The following XKR6 variants were observed in gnomAD, a reference collection of about 807,000 sequenced individuals.
XKR6 encodes the protein XK-related protein 6.
Under a neutral mutation model 56.7 loss-of-function variants are expected in XKR6, and 22 were observed. That is an observed-to-expected ratio of 0.39 (90% CI 0.28 to 0.55). The LOEUF (loss-of-function observed/expected upper bound fraction) is 0.55. Among genes scored for constraint, XKR6 ranks in the 20% least tolerant of loss-of-function variants. The probability of loss-of-function intolerance (pLI) is 0.66; values close to 1 mark genes in which losing one functional copy is unlikely to be tolerated. For synonymous variants in XKR6, 524 were observed against 387.8 expected (o/e 1.35, Z -4.13); for missense variants, 852 against 889.0 (o/e 0.96, Z 0.53).
chr8:11,200,711 C>T lies in XKR6; in HGVS notation c.629G>A (p.Gly210Asp). The change falls in exon 1 of 3, where the codon GGC (glycine) becomes GAC (aspartate). Residue 210 changes from glycine to aspartate, a missense_variant. Physicochemically the swap from Gly to Asp is moderately conservative, Grantham distance 94. Around this residue, in one of 4 missense-constraint regions of XKR6, gnomAD observed 417 missense variants for 355.2 expected, o/e 1.17. Transcript: ENST00000416569. This position sits in a 1 kb window ranked among gnomAD's most constrained non-coding sequence, Gnocchi z 6.4. ...ACCGCGGGCCGCGCCGTGGACGTAG[C>T]CGGCCCCCATCATGGGGGGGCCCCG... is the stretch of plus-strand genomic sequence containing the variant. ...TSRGPPMMGA[G>D]YVHGAARGGP... is the part of the protein sequence containing the mutation. 1 of 1,586,384 alleles carries T rather than the reference C, an allele frequency of 6.3e-7. No homozygotes were observed. The highest frequency in any genetic ancestry group is 1.1e-5 in the South Asian group (1 of 88,698).
intron 1 of XKR6, among the ~76,000 whole-genome samples, chr8:11,087,928 C>T (rs533358956): frequency 4.6e-5 from 7 of 152,164 alleles, no homozygotes; most frequent in Non-Finnish European, 1.0e-4. Flanking sequence ...CCAAAGTTTC[C>T]AAAGAGCCTA....
rs570111613 is a variant in XKR6 at position 11,151,177 on chromosome 8, T to C, written c.764+49399A>G. Among the ~76,000 whole-genome samples the C allele has an allele frequency of 2.3e-4, 35 of 152,200 alleles. 1 individual carries two copies. Among genetic ancestry groups the C allele is most frequent in the Admixed American group, 7.9e-4 (12 of 15,276 alleles). ...CGCAAGTGACATACTCATTGGATAT[T>C]TGGAAAATAATAATTTTTGTCCCAA... On this transcript the variant is annotated intron_variant, in intron 1 of 2. Transcript: ENST00000416569.
rs148489302 is a variant in XKR6 at position 11,111,134 on chromosome 8, G to A, written c.764+89442C>T. ...CTCCCAAAGTGCTGGCATTACAGGC[G>A]TGAGCCACTGCGCCTGCCCAACTTT... On this transcript the variant is annotated intron_variant, in intron 1 of 2. Coordinates refer to ENST00000416569, the MANE Select transcript of XKR6 (RefSeq NM_173683.4). Among the ~76,000 whole-genome samples the A allele has an allele frequency of 8.4e-3, 1,266 of 151,584 alleles. 18 individuals are homozygous for A. The highest frequency in any genetic ancestry group is 0.029 in the African/African-American group (1,216 of 41,356).
chr8:11,097,002 T>A (rs182613970), intron 1 of XKR6, among the ~76,000 whole-genome samples: 48 of 152,316 alleles, frequency 3.2e-4, no homozygotes, highest in Non-Finnish European at 4.1e-4. Flanking sequence ...GTGTGCTCCA[T>A]CAATCAATGC....
chr8:10,914,010 C>G (rs1030520134), intron 2 of XKR6, among the ~76,000 whole-genome samples: 1 of 152,164 alleles, frequency 6.6e-6, no homozygotes, highest in Non-Finnish European at 1.5e-5. Flanking sequence ...TGGTCAGGTC[C>G]GGGCCCAAAT....
intron 1 of XKR6, among the ~76,000 whole-genome samples, chr8:11,097,253 G>A (rs1191820211): frequency 1.3e-5 from 2 of 152,100 alleles, no homozygotes; most frequent in Non-Finnish European, 2.9e-5. Context: ...TTTCCCCATT[G>A]GGTTTCCAGA....
At chr8:10,930,467 G>A (rs1801021323) in intron 1 of XKR6, among the ~76,000 whole-genome samples, 1 of 152,176 alleles carries the variant, frequency 6.6e-6, no homozygotes, top group African/African-American at 2.4e-5. Flanking sequence ...GCATTACTCT[G>A]ATACAAAAGC....
At chr8:11,135,381 T>C (rs1489104352) in intron 1 of XKR6, among the ~76,000 whole-genome samples, 1 of 152,192 alleles carries the variant, frequency 6.6e-6, no homozygotes, top group Non-Finnish European at 1.5e-5. Context: ...TGCCACCCTG[T>C]AATTTAGAAT....
chr8:11,006,225 T>C (rs921480372), intron 1 of XKR6, among the ~76,000 whole-genome samples: 24 of 152,024 alleles, frequency 1.6e-4, no homozygotes, highest in Admixed American at 1.5e-3. Context: ...GGGTGAGAAA[T>C]GAGCTGGGGA....
At position 11,067,147 on chromosome 8, in the gene XKR6, G is replaced by A. The variant is rs574973921; in HGVS notation, c.764+133429C>T. 2.0e-5 allele frequency: 3 copies of A among 152,544 alleles called. No homozygotes were observed. In the South Asian group the frequency reaches 6.2e-4, roughly 32 times the overall value. 9.4% of individuals were successfully genotyped at this position (152,544 alleles called of 1,614,324 possible). On this transcript the variant is annotated intron_variant, in intron 1 of 2. Coordinates refer to ENST00000416569, the MANE Select transcript of XKR6 (RefSeq NM_173683.4). ...TCGGAGAGACGTCACCCAGGCTGGT[G>A]GGGAGGGGAGAATGTCTGACGCGGG... is the stretch of plus-strand genomic sequence containing the variant.
At chr8:11,084,467 A>C (rs1797819184) in intron 1 of XKR6, among the ~76,000 whole-genome samples, 1 of 152,238 alleles carries the variant, frequency 6.6e-6, no homozygotes, top group Admixed American at 6.5e-5. Flanking sequence ...TGCACTATTT[A>C]CCATAGAGCA....
At chr8:11,163,497 T>C (rs1011716522) in intron 1 of XKR6, among the ~76,000 whole-genome samples, 3 of 152,254 alleles carry the variant, frequency 2.0e-5, no homozygotes, top group Non-Finnish European at 4.4e-5. Flanking sequence ...TCGTCACATC[T>C]GTAACTATTT....
rs532400554 is a variant in XKR6 at position 10,989,929 on chromosome 8, G to C, written c.765-65099C>G. On this transcript the variant is annotated intron_variant, in intron 1 of 2. Coordinates refer to ENST00000416569, the MANE Select transcript of XKR6 (RefSeq NM_173683.4). ...GAGCTCTGTTTGCCACGTGTAACAG[G>C]ATCAGACGAAGTGTGTCATGCTTCA... is the stretch of plus-strand genomic sequence containing the variant. 2.6e-5 allele frequency among the ~76,000 whole-genome samples: 4 copies of C among 152,284 alleles called. No individual in the cohort carries two copies. In the South Asian group the frequency reaches 8.3e-4, roughly 32 times the overall value.
chr8:10,930,968 G>T (rs1801034658), intron 1 of XKR6, among the ~76,000 whole-genome samples: 1 of 152,176 alleles, frequency 6.6e-6, no homozygotes, highest in East Asian at 1.9e-4. Flanking sequence ...AGTATATGCA[G>T]ATTGCAAAGG....
chr8:10,964,440 G>A (rs1350749137), intron 1 of XKR6, among the ~76,000 whole-genome samples: 2 of 152,120 alleles, frequency 1.3e-5, no homozygotes, highest in Non-Finnish European at 2.9e-5. Context: ...TCAGTGGCAG[G>A]AACCCAGATT....
intron 1 of XKR6, among the ~76,000 whole-genome samples, chr8:11,144,939 G>A (rs763288451): frequency 2.2e-4 from 33 of 148,208 alleles, no homozygotes; most frequent in Non-Finnish European, 3.6e-4. Context: ...GGAGAGAAGC[G>A]AGGAAAGAAG....
intron 1 of XKR6, among the ~76,000 whole-genome samples, chr8:11,151,325 C>T (rs918449573): frequency 1.3e-5 from 2 of 152,166 alleles, no homozygotes; most frequent in Admixed American, 6.5e-5. Context: ...AAAATATAAT[C>T]ATACACTGTG....
chr8:11,018,204 C>T (rs1484130383), intron 1 of XKR6, among the ~76,000 whole-genome samples: 7 of 147,358 alleles, frequency 4.8e-5, no homozygotes, highest in African/African-American at 1.5e-4. Flanking sequence ...GGTGACTCAG[C>T]CCCTGACTCC....
intron 1 of XKR6, among the ~76,000 whole-genome samples, chr8:11,116,093 G>C (rs1039517067): frequency 6.6e-6 from 1 of 152,220 alleles, no homozygotes; most frequent in Non-Finnish European, 1.5e-5. Flanking sequence ...ATGTTCGTAA[G>C]ATGATTCTTA....
Sources: gnomAD v4.1 joint callset for allele counts (sites outside exome capture counted in the v4.1 genomes callset) on GRCh38, gnomAD v4.1.1 for gene constraint, gnomAD v4.1.1 regional missense constraint, Gnocchi (gnomAD v3.1) non-coding constraint, MANE v1.5 for transcripts, NCBI Gene and HGNC (gene_info 2026-07-23, HGNC 2026-07-21) for gene names.